BTN3A3: variants seen among roughly 807,000 people sequenced by gnomAD.
BTN3A3 encodes butyrophilin 3.
Under a neutral mutation model 43.2 loss-of-function variants are expected in BTN3A3, and 39 were observed. The ratio of observed to expected loss-of-function variants is 0.90; its 90% confidence interval spans 0.70 to 1.18. The LOEUF (loss-of-function observed/expected upper bound fraction) is 1.18, where lower values mean the gene tolerates loss of function less well. BTN3A3 is among the 50% of genes most tolerant of loss of function. The pLI is 0.00. For synonymous variants in BTN3A3, 255 were observed against 272.7 expected (o/e 0.93, Z 0.64); for missense variants, 631 against 722.8 (o/e 0.87, Z 1.46).
chr6:26,448,711 T>C lies in BTN3A3; in HGVS notation c.938-17T>C. On this transcript the variant is annotated splice_polypyrimidine_tract_variant and intron_variant, in intron 7 of 10. Transcript: ENST00000244519. ...TTTGAGCACCTTGATAACCCTTCCC[T>C]ATTCATTCCATTGCAGAGTGGAGGA... 1 of 1,614,060 alleles carries C rather than the reference T, an allele frequency of 6.2e-7. No individual in the cohort carries two copies. The highest frequency in any genetic ancestry group is 1.1e-5 in the South Asian group (1 of 91,080).
intron 5 of BTN3A3, 57 bp downstream of exon 5, chr6:26,446,042 G>A (rs920175391): frequency 2.5e-6 from 4 of 1,599,476 alleles, no homozygotes; most frequent in South Asian, 1.1e-5. Context: ...GGTGATGAAG[G>A]GGGATGTGTG....
chr6:26,441,420 A>G (rs1762632700), intron 1 of BTN3A3, among the ~76,000 whole-genome samples: 1 of 151,954 alleles, frequency 6.6e-6, no homozygotes, highest in South Asian at 2.1e-4. Context: ...GGCTATTTCA[A>G]TTATCTACAT....
At position 26,452,008 on chromosome 6, in the gene BTN3A3, A is replaced by G. The variant is rs151008942; in HGVS notation, c.1352A>G (p.Asn451Ser). ...KYRALTEPRT[N>S]LKLPEPPRKV... is the part of the protein sequence containing the mutation. ...CGGGCTCTCACTGAGCCCAGAACCA[A>G]CCTGAAACTTCCTGAGCCTCCTAGG... The change falls in exon 11 of 11, where the codon AAC (asparagine) becomes AGC (serine). Residue 451 changes from asparagine to serine, a missense_variant. This residue lies in a region of BTN3A3 where 551 missense variants were observed against 584.0 expected (regional missense o/e 0.94). Transcript: ENST00000244519. The G allele has an allele frequency of 8.3e-4, 1,336 of 1,614,138 alleles. 1 individual carries two copies. Among genetic ancestry groups the G allele is most frequent in the Non-Finnish European group, 9.9e-4 (1,165 of 1,180,010 alleles).
rs780652944 is a variant in BTN3A3 at position 26,445,714 on chromosome 6, T to C, written c.444T>C (p.Ser148=). ...LVELKVAALG[S]DLHIEVKGYE... is the part of the protein sequence containing the mutation. ...TTTATCCTTCTACAGCATTGGGTTC[T>C]GATCTTCACATTGAAGTGAAGGGTT... Residue 148 remains serine (S), a synonymous_variant, in exon 5 of 11, where the codon TCT becomes TCC. Coordinates refer to ENST00000244519, the MANE Select transcript of BTN3A3 (RefSeq NM_006994.5). 6.2e-7 allele frequency: 1 copy of C among 1,614,044 alleles called. No homozygotes were observed. The highest frequency in any genetic ancestry group is 2.2e-5 in the East Asian group (1 of 44,878).
At chr6:26,449,311 A>G in intron 8 of BTN3A3, 1 of 266,190 alleles carries the variant, frequency 3.8e-6, no homozygotes, top group South Asian at 9.2e-5. Flanking sequence ...AGAGCAAGGT[A>G]GGAAATGATA....
rs1424115727 is a variant in BTN3A3, at chr6:26,451,746, C to T, written c.1090C>T (p.Arg364Cys). The stretch of plus-strand genomic sequence containing the variant: ...TTCTGAGGACCAGAGGAGTGTGCAG[C>T]GTGCTGAAGAGCCGCGGGATCTGCC... ...LVSEDQRSVQ[R>C]AEEPRDLPDN... is the part of the protein sequence containing the mutation. The change falls in exon 11 of 11, where the codon CGT becomes TGT. Residue 364 changes from arginine (R) to cysteine (C), a missense_variant. Coordinates refer to ENST00000244519, the MANE Select transcript of BTN3A3 (RefSeq NM_006994.5). 5.0e-6 allele frequency: 8 copies of T among 1,614,148 alleles called. No homozygotes were observed. The highest frequency in any genetic ancestry group is 4.5e-5 in the East Asian group (2 of 44,880).
Position 26,452,370 on chromosome 6 carries a change from C to A in BTN3A3, c.1714C>A (p.Gln572Lys), listed in dbSNP as rs1427213564. ...GGTCTCCCCTTCTGCAACAACCAAT[C>A]AGAACCATAAGCTACAGGCACGCAC... The part of the protein sequence containing the change: ...AEVSPSATTN[Q>K]NHKLQARTEA... Residue 572 changes from glutamine (Q) to lysine (K), a missense_variant, in exon 11 of 11, where the codon CAG (glutamine) becomes AAG (lysine). Transcript: ENST00000244519. 6 of 1,607,982 alleles carry A rather than the reference C, an allele frequency of 3.7e-6. No individual in the cohort carries two copies. The highest frequency in any genetic ancestry group is 1.3e-5 in the African/African-American group (1 of 74,934).
At chr6:26,450,292 C>A in intron 10 of BTN3A3, 159 bp downstream of exon 10, 1 of 834,106 alleles carries the variant, frequency 1.2e-6, no homozygotes, top group Non-Finnish European at 1.9e-6. Flanking sequence ...GGCCCATCTC[C>A]AAGACCCTTC....
intron 1 of BTN3A3, among the ~76,000 whole-genome samples, chr6:26,441,929 G>A (rs1236640249): frequency 6.6e-6 from 1 of 152,196 alleles, no homozygotes; most frequent in Admixed American, 6.5e-5. Flanking sequence ...ACTCTAAGCA[G>A]AGCAGAGAAA....
intron 8 of BTN3A3, 55 bp downstream of exon 8, chr6:26,448,809 C>G (rs1437265876): frequency 6.2e-7 from 1 of 1,607,652 alleles, no homozygotes. Flanking sequence ...TGACTCTCTT[C>G]TGCTTGGAAA....
At position 26,444,222 on chromosome 6, in the gene BTN3A3, A is replaced by G. The variant is rs560699662; in HGVS notation, c.351A>G (p.Thr117=). 1 of 1,612,078 alleles carries G rather than the reference A, an allele frequency of 6.2e-7. No individual in the cohort carries two copies. Among genetic ancestry groups the G allele is most frequent in the Non-Finnish European group, 8.5e-7 (1 of 1,179,872 alleles). ...CTGCTCTCCGAATACACAACGTCAC[A>G]GCCTCTGACAGTGGAAAGTACTTGT... is the stretch of plus-strand genomic sequence containing the variant. ...GKAALRIHNV[T]ASDSGKYLCY... The change falls in exon 4 of 11, where the codon ACA becomes ACG. Residue 117 remains threonine, a synonymous_variant. Transcript: ENST00000244519.
rs748532101 is a variant in BTN3A3, at chr6:26,443,703, G to A, written c.85+44G>A. On this transcript the variant is annotated intron_variant, in intron 3 of 10. Coordinates refer to ENST00000244519, the MANE Select transcript of BTN3A3 (RefSeq NM_006994.5). ...ATTCCACATTTATGTTTCTGAAGCA[G>A]ACAATTATCTCAATTACCTAATTAA... The A allele has an allele frequency of 7.5e-6, 12 of 1,598,978 alleles. No homozygotes were observed. In the South Asian group the frequency reaches 1.1e-4, roughly 15 times the overall value.
In BTN3A3 at chr6:26,451,910, G is replaced by A. The variant is rs1199234468; in HGVS notation, c.1254G>A (p.Arg418=). 9 of 1,614,072 alleles carry A rather than the reference G, an allele frequency of 5.6e-6. No homozygotes were observed. The highest frequency in any genetic ancestry group is 6.8e-6 in the Non-Finnish European group (8 of 1,180,014). Residue 418 remains arginine, a synonymous_variant, in exon 11 of 11, where the codon AGG becomes AGA. Transcript: ENST00000244519. ...HIGVCSKNVE[R]KKGWVKMTPE... is the part of the protein sequence containing the mutation. The stretch of plus-strand genomic sequence containing the variant: ...GGGTATGTAGTAAGAACGTGGAGAG[G>A]AAAAAAGGTTGGGTCAAAATGACAC...
chr6:26,445,460 C>T (rs568673383), intron 4 of BTN3A3: 5 of 550,006 alleles, frequency 9.1e-6, no homozygotes, highest in African/African-American at 3.8e-5. Flanking sequence ...TTTTATGTCT[C>T]CGGAACAGAT....
intron 3 of BTN3A3, 51 bp downstream of exon 3, chr6:26,443,710 A>G (rs759293590): frequency 2.9e-5 from 46 of 1,590,324 alleles, no homozygotes; most frequent in Middle Eastern, 1.7e-4. Flanking sequence ...GCAGACAATT[A>G]TCTCAATTAC....
At position 26,452,228 on chromosome 6, in the gene BTN3A3, T is replaced by C. The variant is rs545996762; in HGVS notation, c.1572T>C (p.Pro524=). 6.8e-6 allele frequency: 11 copies of C among 1,614,194 alleles called. No individual in the cohort carries two copies. In the East Asian group the frequency reaches 1.6e-4, roughly 23 times the overall value. The part of the protein sequence containing the change: ...IPKEVESSPD[P]DLVPDHSLET... The stretch of plus-strand genomic sequence containing the variant: ...AAGAAGTAGAGAGTTCCCCCGATCC[T>C]GACCTAGTGCCTGATCATTCCCTGG... The change falls in exon 11 of 11, where the codon CCT becomes CCC. Residue 524 remains proline (P), a synonymous_variant. Coordinates refer to ENST00000244519, the MANE Select transcript of BTN3A3 (RefSeq NM_006994.5).
rs189581403 is a variant in BTN3A3 at position 26,452,043 on chromosome 6, A to T, written c.1387A>T (p.Ile463Phe). Residue 463 changes from isoleucine (I) to phenylalanine (F), a missense_variant, in exon 11 of 11, where the codon ATC (isoleucine) becomes TTC (phenylalanine). Physicochemically the swap from Ile to Phe is conservative, Grantham distance 21. This residue lies in a region of BTN3A3 where 551 missense variants were observed against 584.0 expected (regional missense o/e 0.94). Coordinates refer to ENST00000244519, the MANE Select transcript of BTN3A3 (RefSeq NM_006994.5). ...KLPEPPRKVG[I>F]FLDYETGEIS... ...TCCTGAGCCTCCTAGGAAAGTGGGGATCTTCCTGGACTATGAGACTGGAGA... is the reference window on the plus strand; with the variant it reads ...TCCTGAGCCTCCTAGGAAAGTGGGGTTCTTCCTGGACTATGAGACTGGAGA... 23 of 1,614,008 alleles carry T rather than the reference A, an allele frequency of 1.4e-5. No individual in the cohort carries two copies. The highest frequency in any genetic ancestry group is 1.8e-5 in the Non-Finnish European group (21 of 1,180,022).
At chr6:26,446,792 A>G (rs1193371463) in intron 5 of BTN3A3, among the ~76,000 whole-genome samples, 1 of 152,094 alleles carries the variant, frequency 6.6e-6, no homozygotes, top group Non-Finnish European at 1.5e-5. Context: ...GCAATGGCGC[A>G]ATCTCGGCTC....
chr6:26,451,796 G>T lies in BTN3A3; in HGVS notation c.1140G>T (p.Trp380Cys), dbSNP rs116318960. 5.0e-4 allele frequency: 809 copies of T among 1,614,070 alleles called. 2 individuals are homozygous for T. In the African/African-American group the frequency reaches 9.0e-3, roughly 18 times the overall value. The change falls in exon 11 of 11, where the codon TGG becomes TGT. Residue 380 changes from tryptophan (W) to cysteine (C), a missense_variant. Around this residue, in one of 2 missense-constraint regions of BTN3A3, gnomAD observed 551 missense variants for 584.0 expected, o/e 0.94. Transcript: ENST00000244519. The part of the protein sequence containing the change: ...DLPDNPERFE[W>C]RYCVLGCENF... Reference sequence around the variant, plus strand: ...CAGACAACCCTGAGAGATTTGAATGGCGTTACTGTGTCCTTGGCTGTGAAA... The same window carrying T: ...CAGACAACCCTGAGAGATTTGAATGTCGTTACTGTGTCCTTGGCTGTGAAA...
Sources: gnomAD v4.1 joint callset for allele counts (sites outside exome capture counted in the v4.1 genomes callset) on GRCh38, gnomAD v4.1.1 for gene constraint, gnomAD v4.1.1 regional missense constraint, MANE v1.5 for transcripts, NCBI Gene and HGNC (gene_info 2026-07-23, HGNC 2026-07-21) for gene names.